CREB5: variants seen among roughly 807,000 people sequenced by gnomAD.
CREB5 encodes the protein cyclic AMP-responsive element-binding protein 5.
A neutral mutation model predicts 57.1 loss-of-function variants in CREB5; 19 were observed. The ratio of observed to expected loss-of-function variants is 0.33; its 90% CI spans 0.23 to 0.49. The LOEUF is 0.49. Ranked by LOEUF, CREB5 falls within the 20% of genes least tolerant of loss-of-function variation. CREB5 has a pLI of 0.99. For missense variants in CREB5, 579 were observed against 671.6 expected (o/e 0.86, Z 1.52); for synonymous variants, 238 against 238.3 (o/e 1.00, Z 0.01).
intron 1 of CREB5, among the ~76,000 whole-genome samples, chr7:28,432,392 C>T (rs897020781): frequency 1.2e-4 from 18 of 152,146 alleles, no homozygotes; most frequent in African/African-American, 2.4e-4. Context: ...CTATGGCTGT[C>T]GCTCGTACGC....
In CREB5 at chr7:28,560,867, TGC is replaced by T. The variant is rs1294033526; in HGVS notation, c.292-9496_292-9495del. Among the ~76,000 whole-genome samples, 5 of 22,046 alleles carry T rather than the reference TGC, an allele frequency of 2.3e-4. 1 individual carries two copies. Among genetic ancestry groups the T allele is most frequent in the South Asian group, 3.2e-3 (1 of 310 alleles). The allele number at this position is 22,046 out of a possible 152,430, so 14.5% of individuals were successfully genotyped here. ...GTGCGCGTGTGTGTGTGCGTGTGCC[TGC>T]GTGCGCGTGCGTGCGTGCGTGTGTG... is the stretch of plus-strand genomic sequence containing the variant. On this transcript the variant is annotated intron_variant, in intron 4 of 10. Transcript: ENST00000357727.
At chr7:28,437,364 A>T (rs1331000228) in intron 1 of CREB5, among the ~76,000 whole-genome samples, 1 of 135,980 alleles carries the variant, frequency 7.4e-6, no homozygotes, top group South Asian at 2.5e-4. Flanking sequence ...ACTCTCTGTC[A>T]TGGGAGCCTC....
intron 5 of CREB5, among the ~76,000 whole-genome samples, chr7:28,627,105 G>A (rs1798024831): frequency 6.6e-6 from 1 of 152,246 alleles, no homozygotes; most frequent in Admixed American, 6.5e-5. Flanking sequence ...CCTTCTGCCA[G>A]GGTGTCTGGT....
chr7:28,606,666 G>T (rs1408905554), intron 5 of CREB5, among the ~76,000 whole-genome samples: 6 of 151,908 alleles, frequency 3.9e-5, no homozygotes, highest in African/African-American at 9.7e-5. Context: ...TTTTTAATTG[G>T]CTCAGGGAGA....
At chr7:28,801,966 T>C (rs569891768) in intron 7 of CREB5, among the ~76,000 whole-genome samples, 2 of 148,598 alleles carry the variant, frequency 1.3e-5, no homozygotes, top group Admixed American at 1.4e-4. Context: ...ACGCCTGTAG[T>C]CCCAGCTACT....
chr7:28,798,837 T>C (rs1327124294), intron 7 of CREB5, among the ~76,000 whole-genome samples: 1 of 152,218 alleles, frequency 6.6e-6, no homozygotes, highest in Non-Finnish European at 1.5e-5. Flanking sequence ...AAATATATGT[T>C]TATTTGCTCA....
At chr7:28,337,888 G>A (rs1440806945) in intron 1 of CREB5, among the ~76,000 whole-genome samples, 1 of 151,524 alleles carries the variant, frequency 6.6e-6, no homozygotes, top group Non-Finnish European at 1.5e-5. Context: ...TTGATTTGAG[G>A]TTACCATAAA....
chr7:28,529,186 G>A (rs177594), intron 4 of CREB5, among the ~76,000 whole-genome samples: 16,966 of 152,220 alleles, frequency 0.11, 993 homozygotes, highest in African/African-American at 0.15. Flanking sequence ...AGGTTCTGGA[G>A]ACCAGCTGAC....
At chr7:28,753,378 A>G (rs1805093716) in intron 7 of CREB5, among the ~76,000 whole-genome samples, 1 of 151,860 alleles carries the variant, frequency 6.6e-6, no homozygotes, top group African/African-American at 2.4e-5. Context: ...TCGTGCATGC[A>G]TACACACACA....
chr7:28,306,148 G>A (rs1349094378), intron 1 of CREB5, among the ~76,000 whole-genome samples: 1 of 152,172 alleles, frequency 6.6e-6, no homozygotes, highest in Non-Finnish European at 1.5e-5. Context: ...CAGCCAAAGC[G>A]TCCATAATTG....
chr7:28,746,315 G>C (rs1407149529), intron 7 of CREB5, among the ~76,000 whole-genome samples: 1 of 152,208 alleles, frequency 6.6e-6, no homozygotes, highest in Non-Finnish European at 1.5e-5. Context: ...AAGAAAAGTT[G>C]TAAGTTCAAC....
At chr7:28,686,868 A>G (rs1042411974) in intron 5 of CREB5, among the ~76,000 whole-genome samples, 4 of 151,658 alleles carry the variant, frequency 2.6e-5, no homozygotes, top group Non-Finnish European at 4.4e-5. Flanking sequence ...ATAACACGAT[A>G]TTATCACAGC....
rs34368133 is a variant in CREB5, at chr7:28,480,025, T to TC, written c.4-8140dup. Among the ~76,000 whole-genome samples the TC allele has an allele frequency of 4.2e-3, 622 of 149,132 alleles. 3 individuals carry two copies. Among genetic ancestry groups the TC allele is most frequent in the African/African-American group, 0.01 (407 of 40,386 alleles). On this transcript the variant is annotated intron_variant, in intron 1 of 10. Coordinates refer to ENST00000357727, the MANE Select transcript of CREB5 (RefSeq NM_182898.4). ...TTATCTAGAATAAAAATCCAAAACC[T>TC]CCCCCCCCCCACATTATCCAATAAA...
chr7:28,811,801 C>A (rs1413575109), intron 9 of CREB5, among the ~76,000 whole-genome samples: 32 of 152,146 alleles, frequency 2.1e-4, no homozygotes, highest in Admixed American at 2.1e-3. Context: ...TTAATTTGCA[C>A]AAACATGTTA....
intron 1 of CREB5, among the ~76,000 whole-genome samples, chr7:28,382,655 C>G (rs1489741509): frequency 6.6e-6 from 1 of 152,030 alleles, no homozygotes; most frequent in Non-Finnish European, 1.5e-5. Context: ...CCTGAAGTAT[C>G]GATCCGTCAG....
intron 1 of CREB5, among the ~76,000 whole-genome samples, chr7:28,459,942 A>C (rs953122774): frequency 6.6e-6 from 1 of 152,236 alleles, no homozygotes; most frequent in Non-Finnish European, 1.5e-5. Context: ...AGAGAAGTAA[A>C]TGAATGACAT....
chr7:28,520,666 AAGAC>A (rs1198876962), intron 4 of CREB5, among the ~76,000 whole-genome samples: 1 of 152,204 alleles, frequency 6.6e-6, no homozygotes, highest in East Asian at 1.9e-4. Flanking sequence ...GATTTTTAGA[AAGAC>A]TATCTCTGAG....
intron 1 of CREB5, among the ~76,000 whole-genome samples, chr7:28,464,496 CGTGTGTGTGTGTGTGT>C (rs71555745): frequency 5.0e-5 from 7 of 139,576 alleles, no homozygotes; most frequent in South Asian, 2.3e-4. Flanking sequence ...TGGAAAGTTG[CGTGTGTGTGTGTGTGT>C]GTGTGTGTGT....
chr7:28,585,498 G>A (rs544414030), intron 5 of CREB5, among the ~76,000 whole-genome samples: 11 of 152,300 alleles, frequency 7.2e-5, no homozygotes, highest in African/African-American at 2.4e-4. Context: ...TTTCGTGACC[G>A]ATCAGAGTTT....
Sources: allele counts gnomAD v4.1 joint callset (sites outside exome capture counted in the v4.1 genomes callset), GRCh38; gene constraint gnomAD v4.1.1; transcripts MANE v1.5; gene names NCBI Gene and HGNC (gene_info 2026-07-23, HGNC 2026-07-21).